RAP1A: variants seen among roughly 807,000 people sequenced by gnomAD.
RAP1A encodes ras-related protein Rap-1A.
Under a neutral mutation model 26.4 loss-of-function variants are expected in RAP1A, and 6 were observed. The observed-to-expected ratio is 0.23, with a 90% CI of 0.12 to 0.45. RAP1A has a LOEUF of 0.45. Among genes scored for constraint, RAP1A ranks in the 20% least tolerant of loss-of-function variants. The pLI, the probability that RAP1A is intolerant of heterozygous loss-of-function variation, is 0.99. For synonymous variants in RAP1A, 73 were observed against 79.4 expected, an observed-to-expected ratio of 0.92 and a Z score of 0.43; for missense variants, 121 against 217.2, an observed-to-expected ratio of 0.56 and a Z score of 2.78.
chr1:111,676,619 T>C (rs1294160890), intron 1 of RAP1A, among the ~76,000 whole-genome samples: 1 of 152,142 alleles, frequency 6.6e-6, no homozygotes, highest in East Asian at 1.9e-4. Context: ...CAATAAGTTT[T>C]GGTAAATAAA....
chr1:111,680,981 T>C (rs372259039), intron 1 of RAP1A, among the ~76,000 whole-genome samples: 5 of 152,284 alleles, frequency 3.3e-5, no homozygotes, highest in African/African-American at 1.2e-4. Flanking sequence ...GTGTGGTGGC[T>C]CACGCCTGTA....
intron 1 of RAP1A, among the ~76,000 whole-genome samples, chr1:111,582,943 A>G (rs1246842105): frequency 6.6e-6 from 1 of 152,238 alleles, no homozygotes; most frequent in Non-Finnish European, 1.5e-5. Flanking sequence ...CCCAGCTCCT[A>G]CAACCATACA....
At chr1:111,634,513 ATATTT>A (rs1370234234) in intron 1 of RAP1A, among the ~76,000 whole-genome samples, 2 of 149,086 alleles carry the variant, frequency 1.3e-5, no homozygotes, top group African/African-American at 5.0e-5. Flanking sequence ...TGGGTTATAG[ATATTT>A]TATTATATGT....
At chr1:111,671,842 G>A (rs116380685) in intron 1 of RAP1A, among the ~76,000 whole-genome samples, 4 of 152,140 alleles carry the variant, frequency 2.6e-5, no homozygotes, top group Non-Finnish European at 5.9e-5. Context: ...TTTCCATCTT[G>A]ATTTCTTTCT....
chr1:111,592,964 G>A (rs1230016053), intron 1 of RAP1A, among the ~76,000 whole-genome samples: 2 of 152,210 alleles, frequency 1.3e-5, no homozygotes, highest in East Asian at 3.8e-4. Flanking sequence ...CTGAGGATCA[G>A]TGGGTGTGTT....
At chr1:111,695,436 GC>G in intron 3 of RAP1A, 27 bp downstream of exon 3, 2 of 1,446,926 alleles carry the variant, frequency 1.4e-6, no homozygotes, top group Non-Finnish European at 1.9e-6. Context: ...GTACACACAT[GC>G]TTACAAGTAG....
chr1:111,626,230 C>G (rs12083841), intron 1 of RAP1A, among the ~76,000 whole-genome samples: 4 of 152,126 alleles, frequency 2.6e-5, no homozygotes, highest in African/African-American at 9.7e-5. Flanking sequence ...GTCTTGTTTT[C>G]TAACAGCTTA....
intron 6 of RAP1A, 97 bp from the exon 7 acceptor site, chr1:111,709,052 C>T: frequency 7.2e-7 from 1 of 1,385,142 alleles, no homozygotes; most frequent in Non-Finnish European, 9.4e-7. Flanking sequence ...AAGCAGAATG[C>T]AGATCTAAGA....
chr1:111,607,737 G>A (rs2101076921), intron 1 of RAP1A, among the ~76,000 whole-genome samples: 1 of 141,890 alleles, frequency 7.0e-6, no homozygotes, highest in African/African-American at 2.6e-5. Context: ...GCCGGGCAGA[G>A]GGGCTCCTCA....
At chr1:111,547,266 T>G (rs1484720694) in intron 1 of RAP1A, among the ~76,000 whole-genome samples, 1 of 152,122 alleles carries the variant, frequency 6.6e-6, no homozygotes, top group Non-Finnish European at 1.5e-5. Context: ...AAGAATTTCC[T>G]TTCTTTTTCT....
intron 2 of RAP1A, among the ~76,000 whole-genome samples, chr1:111,691,943 A>G (rs764995963): frequency 3.9e-5 from 6 of 152,218 alleles, no homozygotes; most frequent in Non-Finnish European, 8.8e-5. Context: ...TACACAAAGA[A>G]CTACTTGGTT....
At chr1:111,708,777 G>A (rs1008099997) in intron 6 of RAP1A, among the ~76,000 whole-genome samples, 1 of 152,232 alleles carries the variant, frequency 6.6e-6, no homozygotes, top group Non-Finnish European at 1.5e-5. Flanking sequence ...GTGCACGTGT[G>A]TGTGTATGTA....
In RAP1A at chr1:111,552,646, A is replaced by T. The variant is rs528367794; in HGVS notation, c.-28+10137A>T. Reference sequence around the variant, plus strand: ...TTATCTATTTTTCTTAATCACTACCACCACCAGGCAGGCCTTGAGAGGCAA... The same window carrying T: ...TTATCTATTTTTCTTAATCACTACCTCCACCAGGCAGGCCTTGAGAGGCAA... On this transcript the variant is annotated intron_variant, in intron 1 of 7. Transcript: ENST00000356415. 2.6e-5 allele frequency among the ~76,000 whole-genome samples: 4 copies of T among 152,216 alleles called. No individual in the cohort carries two copies. In the South Asian group the frequency reaches 6.2e-4, roughly 24 times the overall value.
chr1:111,611,594 T>C (rs1003949000), intron 1 of RAP1A, among the ~76,000 whole-genome samples: 2 of 152,240 alleles, frequency 1.3e-5, no homozygotes, highest in Non-Finnish European at 2.9e-5. Context: ...AATTTTTAAA[T>C]GTATTATTTA....
intron 1 of RAP1A, among the ~76,000 whole-genome samples, chr1:111,549,673 ATC>A (rs900329502): frequency 6.7e-6 from 1 of 150,232 alleles, no homozygotes; most frequent in Admixed American, 6.6e-5. Flanking sequence ...AAAAGACAAG[ATC>A]TCTCTCTCTG....
chr1:111,637,170 T>C (rs930598017), intron 1 of RAP1A, among the ~76,000 whole-genome samples: 13 of 152,230 alleles, frequency 8.5e-5, no homozygotes, highest in African/African-American at 3.1e-4. Context: ...TTTAAAGCCA[T>C]AGGAATAAAG....
intron 1 of RAP1A, among the ~76,000 whole-genome samples, chr1:111,562,536 G>C (rs1657781293): frequency 6.6e-6 from 1 of 152,198 alleles, no homozygotes; most frequent in Non-Finnish European, 1.5e-5. Context: ...CAGATGATTT[G>C]GAAGTGGAAA....
chr1:111,655,395 C>T (rs1378231030), intron 1 of RAP1A, among the ~76,000 whole-genome samples: 1 of 151,460 alleles, frequency 6.6e-6, no homozygotes, highest in Non-Finnish European at 1.5e-5. Flanking sequence ...TTGATAGGAA[C>T]AAACTTTTTT....
At chr1:111,619,677 C>A (rs1659103132), upstream of RAP1A, 4 of 391,654 alleles carry the variant, frequency 1.0e-5, no homozygotes, top group African/African-American at 2.1e-5. Flanking sequence ...GACTCCGGAA[C>A]GCCGTGGGGA....
Sources: allele counts gnomAD v4.1 joint callset (sites outside exome capture counted in the v4.1 genomes callset), GRCh38; gene constraint gnomAD v4.1.1; transcripts MANE v1.5; gene names NCBI Gene and HGNC (gene_info 2026-07-23, HGNC 2026-07-21).